Variants in XPO7 observed in about 807,000 individuals in gnomAD.
The protein encoded by XPO7 is exportin-7.
XPO7 carries 21 observed loss-of-function variants against 144.3 expected under a neutral mutation model. That is an observed-to-expected ratio of 0.15 (90% CI 0.10 to 0.21). The LOEUF (loss-of-function observed/expected upper bound fraction) is 0.21. XPO7 is among the 10% of genes least tolerant of loss of function. XPO7 has a pLI of 1.00. For missense variants in XPO7, 808 were observed against 1,325.8 expected (o/e 0.61, Z 6.06); for synonymous variants, 580 against 499.6 (o/e 1.16, Z -2.15).
chr8:21,985,361 A>G (rs893459207), intron 12 of XPO7, among the ~76,000 whole-genome samples: 3 of 152,212 alleles, frequency 2.0e-5, no homozygotes, highest in African/African-American at 7.2e-5. Context: ...CTAAGGAAAT[A>G]CTACACTAAA....
chr8:21,959,794 A>C (rs1294433297), intron 1 of XPO7, among the ~76,000 whole-genome samples: 1 of 152,214 alleles, frequency 6.6e-6, no homozygotes, highest in African/African-American at 2.4e-5. Context: ...TTTAAAAATC[A>C]TGTAACAAAA....
chr8:21,940,808 A>G (rs1374857174), intron 1 of XPO7, among the ~76,000 whole-genome samples: 1 of 152,076 alleles, frequency 6.6e-6, no homozygotes, highest in African/African-American at 2.4e-5. Flanking sequence ...AGTCTTGCCA[A>G]AAACACTTCC....
chr8:21,998,369 A>C (rs1813023486), intron 21 of XPO7, among the ~76,000 whole-genome samples: 1 of 152,222 alleles, frequency 6.6e-6, no homozygotes, highest in African/African-American at 2.4e-5. Context: ...TGAACCCGAG[A>C]GGCAGAGGTT....
chr8:21,956,834 C>T (rs1468621163), intron 1 of XPO7, among the ~76,000 whole-genome samples: 1 of 151,446 alleles, frequency 6.6e-6, no homozygotes, highest in African/African-American at 2.4e-5. Context: ...GTTTCCTTCT[C>T]CCTATATAGT....
At chr8:21,986,456 A>AAC (rs972246331) in intron 13 of XPO7, among the ~76,000 whole-genome samples, 1 of 151,968 alleles carries the variant, frequency 6.6e-6, no homozygotes, top group African/African-American at 2.4e-5. Context: ...CCCCGCCTTC[A>AAC]ATATATATAT....
chr8:21,942,037 G>A (rs563556735), intron 1 of XPO7, among the ~76,000 whole-genome samples: 41 of 152,214 alleles, frequency 2.7e-4, no homozygotes, highest in Non-Finnish European at 5.1e-4. Flanking sequence ...ACATCAGGGA[G>A]GGGAGGGTGT....
intron 16 of XPO7, 121 bp from the exon 17 acceptor site, chr8:21,990,223 T>G: frequency 1.7e-5 from 16 of 954,284 alleles, no homozygotes; most frequent in Non-Finnish European, 2.6e-5. Context: ...AGTGGTATAC[T>G]CAAGTATTTT....
intron 1 of XPO7, among the ~76,000 whole-genome samples, chr8:21,958,577 CA>C (rs1811615938): frequency 6.8e-6 from 1 of 147,698 alleles, no homozygotes; most frequent in Non-Finnish European, 1.5e-5. Context: ...AAATTACCGA[CA>C]AAAAGCACAA....
intron 1 of XPO7, among the ~76,000 whole-genome samples, chr8:21,958,758 G>C (rs1811623274): frequency 6.6e-6 from 1 of 151,996 alleles, no homozygotes; most frequent in African/African-American, 2.4e-5. Flanking sequence ...TCAGGAGTTG[G>C]AGACCAGCCT....
intron 1 of XPO7, among the ~76,000 whole-genome samples, chr8:21,957,470 A>C (rs1811573899): frequency 6.6e-6 from 1 of 152,178 alleles, no homozygotes; most frequent in South Asian, 2.1e-4. Flanking sequence ...TAGTTCATTT[A>C]AGTCAGTTAC....
chr8:21,999,378 G>A, intron 23 of XPO7, 73 bp downstream of exon 23: 1 of 1,591,310 alleles, frequency 6.3e-7, no homozygotes, highest in South Asian at 1.1e-5. Context: ...GACCAAGATT[G>A]AACACTGCTC....
chr8:21,945,730 C>A (rs573071635), intron 1 of XPO7, among the ~76,000 whole-genome samples: 17 of 152,144 alleles, frequency 1.1e-4, no homozygotes, highest in Non-Finnish European at 1.9e-4. Context: ...TATGGCAAAC[C>A]AATTATTCTG....
intron 20 of XPO7, among the ~76,000 whole-genome samples, chr8:21,994,746 T>C (rs1442460062): frequency 6.6e-6 from 1 of 152,034 alleles, no homozygotes; most frequent in East Asian, 1.9e-4. Flanking sequence ...TAGAGAGATG[T>C]TTCAGTCTGC....
At chr8:21,985,750 A>T in intron 13 of XPO7, 59 bp downstream of exon 13, 4 of 1,444,958 alleles carry the variant, frequency 2.8e-6, no homozygotes, top group Non-Finnish European at 3.9e-6. Context: ...CCACTCCCCG[A>T]TAGGGTCCTC....
At chr8:21,944,021 C>T (rs558711591) in intron 1 of XPO7, among the ~76,000 whole-genome samples, 1 of 152,214 alleles carries the variant, frequency 6.6e-6, no homozygotes, top group East Asian at 1.9e-4. Flanking sequence ...TCTCTGAATA[C>T]CCTCATATAC....
intron 1 of XPO7, among the ~76,000 whole-genome samples, chr8:21,943,764 T>G (rs1811070300): frequency 6.6e-6 from 1 of 152,234 alleles, no homozygotes; most frequent in African/African-American, 2.4e-5. Flanking sequence ...TGCTGTATGT[T>G]CAACATTGTG....
chr8:21,984,859 G>A lies in XPO7; in HGVS notation c.1471+20G>A. Reference sequence around the variant, plus strand: ...AGGAGGGTGAGTGTGCAGCGTGCTGGGAACTCTAGACCTGTGAGGAGATGT... The same window carrying A: ...AGGAGGGTGAGTGTGCAGCGTGCTGAGAACTCTAGACCTGTGAGGAGATGT... On this transcript the variant is annotated intron_variant, in intron 12 of 27. Transcript: ENST00000252512. The A allele has an allele frequency of 1.2e-6, 2 of 1,611,928 alleles. No homozygotes were observed. The highest frequency in any genetic ancestry group is 2.2e-5 in the South Asian group (2 of 90,946).
intron 1 of XPO7, among the ~76,000 whole-genome samples, chr8:21,946,869 A>G (rs1811211614): frequency 6.6e-6 from 1 of 152,218 alleles, no homozygotes; most frequent in Non-Finnish European, 1.5e-5. Flanking sequence ...ACTGGCAGAT[A>G]AAGACATCTC....
intron 5 of XPO7, among the ~76,000 whole-genome samples, chr8:21,972,737 C>A (rs1307771372): frequency 6.6e-6 from 1 of 152,176 alleles, no homozygotes. Flanking sequence ...TATAACATCT[C>A]ACCCTTAAGT....
Sources: allele counts gnomAD v4.1 joint callset (sites outside exome capture counted in the v4.1 genomes callset), GRCh38; gene constraint gnomAD v4.1.1; transcripts MANE v1.5; gene names NCBI Gene and HGNC (gene_info 2026-07-23, HGNC 2026-07-21).